Variants in CAMTA1 observed in about 807,000 individuals in gnomAD.
CAMTA1 encodes calmodulin binding transcription activator 1, also known as calmodulin-binding transcription activator 1.
CAMTA1 carries 27 observed loss-of-function variants against 170.9 expected under a neutral mutation model. That is an observed-to-expected ratio of 0.16 (90% confidence interval 0.12 to 0.22). The LOEUF (loss-of-function observed/expected upper bound fraction) is 0.22, where lower values mean the gene tolerates loss of function less well. Among genes scored for constraint, CAMTA1 ranks in the 10% least tolerant of loss-of-function variants. The probability of loss-of-function intolerance (pLI) is 1.00; values close to 1 mark genes in which losing one functional copy is unlikely to be tolerated. For synonymous variants in CAMTA1, 833 were observed against 891.5 expected, an observed-to-expected ratio of 0.93 and a Z score of 1.17; for missense variants, 1,619 against 2,217.2, an observed-to-expected ratio of 0.73 and a Z score of 5.42.
intron 5 of CAMTA1, among the ~76,000 whole-genome samples, chr1:7,291,874 G>A (rs960331687): frequency 1.3e-5 from 2 of 152,312 alleles, no homozygotes; most frequent in South Asian, 2.1e-4. Flanking sequence ...GTGGTGCAGG[G>A]AAGAAAACCA....
intron 5 of CAMTA1, among the ~76,000 whole-genome samples, chr1:7,405,571 C>T (rs1448594488): frequency 6.6e-6 from 1 of 152,006 alleles, no homozygotes; most frequent in African/African-American, 2.4e-5. Flanking sequence ...AGGGGATCAC[C>T]ATGTTGCCCA....
chr1:7,550,221 G>A (rs1237352494), intron 6 of CAMTA1, among the ~76,000 whole-genome samples: 1 of 152,136 alleles, frequency 6.6e-6, no homozygotes, highest in East Asian at 1.9e-4. Context: ...GTGGTAGGAA[G>A]AGAAGCTGAT....
At chr1:7,408,068 C>T (rs2090429535) in intron 5 of CAMTA1, among the ~76,000 whole-genome samples, 1 of 152,174 alleles carries the variant, frequency 6.6e-6, no homozygotes, top group South Asian at 2.1e-4. Flanking sequence ...GAGGCCTGGT[C>T]GTGGGTGCTC....
intron 11 of CAMTA1, among the ~76,000 whole-genome samples, chr1:7,714,621 A>C (rs2096595599): frequency 6.6e-6 from 1 of 151,850 alleles, no homozygotes; most frequent in African/African-American, 2.4e-5. Flanking sequence ...TCCTGGGTTC[A>C]GGTGATTCTC....
chr1:6,787,558 T>C (rs1639766060), intron 1 of CAMTA1, among the ~76,000 whole-genome samples: 1 of 152,362 alleles, frequency 6.6e-6, no homozygotes, highest in South Asian at 2.1e-4. Context: ...TGACTAGCTC[T>C]ACATTTTGGG....
chr1:6,868,542 G>A (rs1184240080), intron 3 of CAMTA1, among the ~76,000 whole-genome samples: 2 of 150,778 alleles, frequency 1.3e-5, no homozygotes, highest in African/African-American at 4.9e-5. Flanking sequence ...TTTCTGTCAT[G>A]ATTTAACCTT....
At chr1:7,483,194 A>C (rs2093565615) in intron 6 of CAMTA1, among the ~76,000 whole-genome samples, 1 of 152,140 alleles carries the variant, frequency 6.6e-6, no homozygotes, top group Admixed American at 6.5e-5. Flanking sequence ...AGAGGCATGA[A>C]GGAGGGTTGC....
At chr1:7,114,348 C>A (rs1030766107) in intron 4 of CAMTA1, among the ~76,000 whole-genome samples, 1 of 151,638 alleles carries the variant, frequency 6.6e-6, no homozygotes, top group Non-Finnish European at 1.5e-5. Context: ...TATACATAGA[C>A]CACGGGTGTC....
At chr1:7,179,376 A>G (rs531170874) in intron 4 of CAMTA1, among the ~76,000 whole-genome samples, 5 of 152,310 alleles carry the variant, frequency 3.3e-5, no homozygotes, top group South Asian at 4.1e-4. Context: ...AAAAATAACA[A>G]TGGAATCAAG....
chr1:6,836,875 G>A (rs1198770172), intron 3 of CAMTA1, among the ~76,000 whole-genome samples: 4 of 152,048 alleles, frequency 2.6e-5, no homozygotes, highest in African/African-American at 4.8e-5. Flanking sequence ...CTGGTCCCAG[G>A]CCAAGCCTCT....
At chr1:7,690,858 G>A (rs1269113480) in intron 11 of CAMTA1, among the ~76,000 whole-genome samples, 10 of 152,224 alleles carry the variant, frequency 6.6e-5, no homozygotes, top group Non-Finnish European at 1.2e-4. Context: ...TGAGGCTTCT[G>A]GAGCCTCTTC....
intron 5 of CAMTA1, among the ~76,000 whole-genome samples, chr1:7,413,665 A>G (rs541057491): frequency 5.2e-4 from 79 of 152,286 alleles, no homozygotes; most frequent in African/African-American, 1.8e-3. Context: ...GGCTGAGACA[A>G]TGGGGTTTTC....
At chr1:7,393,706 A>G (rs1451636859) in intron 5 of CAMTA1, among the ~76,000 whole-genome samples, 2 of 152,228 alleles carry the variant, frequency 1.3e-5, no homozygotes, top group Admixed American at 1.3e-4. Context: ...CTTTGAGGTG[A>G]AAACATTTAA....
At chr1:7,270,230 T>TACACACAC (rs1272841719) in intron 5 of CAMTA1, among the ~76,000 whole-genome samples, 30 of 91,192 alleles carry the variant, frequency 3.3e-4, no homozygotes, top group South Asian at 7.2e-4. Context: ...TACATATATA[T>TACACACAC]ACACATATAT....
intron 4 of CAMTA1, among the ~76,000 whole-genome samples, chr1:7,107,505 CAGAG>C (rs1463681853): frequency 3.3e-5 from 5 of 152,234 alleles, no homozygotes; most frequent in East Asian, 3.9e-4. Context: ...TTAAGCCACA[CAGAG>C]AGCAGATTAA....
In CAMTA1 at chr1:6,828,587, G is replaced by A. The variant is rs1199113557; in HGVS notation, c.234+3377G>A. Among the ~76,000 whole-genome samples, 5 of 152,040 alleles carry A rather than the reference G, an allele frequency of 3.3e-5. No individual in the cohort carries two copies. In the East Asian group the frequency reaches 9.6e-4, roughly 29 times the overall value. The stretch of plus-strand genomic sequence containing the variant: ...TTACAGGCGTGAACCACTGCACCCG[G>A]CCCCATCCTACCATTTATTGAGCAC... On this transcript the variant is annotated intron_variant, in intron 3 of 22. Coordinates refer to ENST00000303635, the MANE Select transcript of CAMTA1 (RefSeq NM_015215.4).
At chr1:7,019,198 C>T (rs575458922) in intron 3 of CAMTA1, among the ~76,000 whole-genome samples, 15 of 152,208 alleles carry the variant, frequency 9.9e-5, no homozygotes, top group Non-Finnish European at 1.8e-4. Context: ...CCTGAACTCG[C>T]GGACACTCGG....
chr1:7,645,967 C>T (rs968048136), intron 7 of CAMTA1, among the ~76,000 whole-genome samples: 2 of 152,174 alleles, frequency 1.3e-5, no homozygotes, highest in Non-Finnish European at 2.9e-5. Flanking sequence ...AAATGTGAGG[C>T]CACAAAGGCC....
chr1:6,903,503 A>G lies in CAMTA1; in HGVS notation c.234+78293A>G, dbSNP rs539607583. 5.3e-5 allele frequency among the ~76,000 whole-genome samples: 8 copies of G among 152,362 alleles called. No homozygotes were observed. In the South Asian group the frequency reaches 1.2e-3, roughly 24 times the overall value. ...TGGGTCATCATTATGTGCATTTTGC[A>G]TAACCCAAGTTTCTATGTGGTGCAT... On this transcript the variant is annotated intron_variant, in intron 3 of 22. Coordinates refer to ENST00000303635, the MANE Select transcript of CAMTA1 (RefSeq NM_015215.4).
Sources: gnomAD v4.1 joint callset for allele counts (sites outside exome capture counted in the v4.1 genomes callset) on GRCh38, gnomAD v4.1.1 for gene constraint, MANE v1.5 for transcripts, NCBI Gene and HGNC (gene_info 2026-07-23, HGNC 2026-07-21) for gene names.